The following MAML2 variants were observed in gnomAD, a reference collection of about 807,000 sequenced individuals.
MAML2 encodes mastermind like transcriptional coactivator 2.
A neutral mutation model predicts 96.1 loss-of-function variants in MAML2; 22 were observed. That is an observed-to-expected ratio of 0.23 (90% CI 0.16 to 0.33). The LOEUF is 0.33. MAML2 is among the 10% of genes least tolerant of loss of function. The probability of loss-of-function intolerance (pLI) is 1.00; values close to 1 mark genes in which losing one functional copy is unlikely to be tolerated. For synonymous variants in MAML2, 561 were observed against 521.3 expected (o/e 1.08, Z -1.04); for missense variants, 1,367 against 1,392.4 (o/e 0.98, Z 0.29).
At chr11:96,093,572 C>T in intron 1 of MAML2, 55 bp from the exon 2 acceptor site, 1 of 1,227,832 alleles carries the variant, frequency 8.1e-7, no homozygotes, top group Non-Finnish European at 1.1e-6. Flanking sequence ...TCCAATGATG[C>T]TTCTCATAAA....
rs138734826 is a variant in MAML2, at chr11:96,158,122, A to G, written c.514-64605T>C. Reference sequence around the variant, plus strand: ...GGGGAAGGCAAGGCTAAACAGAAAAAGTGTTTGAGAGAGTATAATTCTTGC... The same window carrying G: ...GGGGAAGGCAAGGCTAAACAGAAAAGGTGTTTGAGAGAGTATAATTCTTGC... On this transcript the variant is annotated intron_variant, in intron 1 of 4. Transcript: ENST00000524717. 3.0e-3 allele frequency among the ~76,000 whole-genome samples: 452 copies of G among 152,310 alleles called. 9 individuals are homozygous for G. Among genetic ancestry groups the G allele is most frequent in the Admixed American group, 0.019 (290 of 15,312 alleles).
Position 96,049,737 on chromosome 11 carries a change from A to G in MAML2, c.2139+42155T>C, listed in dbSNP as rs535480723. 2.0e-5 allele frequency among the ~76,000 whole-genome samples: 3 copies of G among 152,326 alleles called. No individual in the cohort carries two copies. The South Asian group carries it at 6.2e-4, about 32-fold the overall frequency. On this transcript the variant is annotated intron_variant, in intron 2 of 4. Coordinates refer to ENST00000524717, the MANE Select transcript of MAML2 (RefSeq NM_032427.4). ...TACAGTAAGAATTTAATAAACAGAA[A>G]CTACTATTATCATCCAGGCAGAAGA... is the stretch of plus-strand genomic sequence containing the variant.
chr11:96,326,010 T>A (rs1474290159), intron 1 of MAML2, among the ~76,000 whole-genome samples: 1 of 151,988 alleles, frequency 6.6e-6, no homozygotes, highest in Non-Finnish European at 1.5e-5. Context: ...CAATTAGCCA[T>A]ATGAAGTAAG....
intron 2 of MAML2, among the ~76,000 whole-genome samples, chr11:96,002,166 C>A (rs752823255): frequency 2.6e-5 from 4 of 152,184 alleles, no homozygotes; most frequent in Non-Finnish European, 5.9e-5. Context: ...ACCTCTTTCC[C>A]ATTTTAAGTG....
intron 2 of MAML2, among the ~76,000 whole-genome samples, chr11:96,072,655 C>T (rs143519361): frequency 5.9e-5 from 9 of 152,214 alleles, no homozygotes; most frequent in African/African-American, 7.2e-5. Flanking sequence ...TGAAAGAGCT[C>T]GCTGTCAAGG....
At chr11:96,163,875 T>C (rs1456805042) in intron 1 of MAML2, among the ~76,000 whole-genome samples, 1 of 151,526 alleles carries the variant, frequency 6.6e-6, no homozygotes, top group Admixed American at 6.6e-5. Context: ...TTTTTTTTTT[T>C]TTTTGAGATG....
chr11:96,008,274 C>G (rs1231433451), intron 2 of MAML2, among the ~76,000 whole-genome samples: 1 of 152,024 alleles, frequency 6.6e-6, no homozygotes, highest in Non-Finnish European at 1.5e-5. Context: ...GAAAACAGAT[C>G]CTTGATTTGA....
At chr11:96,026,709 A>G (rs1858526739) in intron 2 of MAML2, among the ~76,000 whole-genome samples, 1 of 151,896 alleles carries the variant, frequency 6.6e-6, no homozygotes, top group Non-Finnish European at 1.5e-5. Flanking sequence ...ATCCATTTAT[A>G]TTTATATGTA....
chr11:96,025,098 C>T (rs535617979), intron 2 of MAML2, among the ~76,000 whole-genome samples: 9 of 152,098 alleles, frequency 5.9e-5, no homozygotes, highest in Non-Finnish European at 1.2e-4. Flanking sequence ...CACGTGCACT[C>T]GCATGTTTAT....
At chr11:96,162,245 CTT>C (rs767988434) in intron 1 of MAML2, among the ~76,000 whole-genome samples, 13 of 79,226 alleles carry the variant, frequency 1.6e-4, no homozygotes, top group Non-Finnish European at 1.8e-4. Flanking sequence ...TCAGGTCTGA[CTT>C]TTTTTTTTTT....
At chr11:96,250,835 A>T (rs1591096177) in intron 1 of MAML2, among the ~76,000 whole-genome samples, 3 of 152,212 alleles carry the variant, frequency 2.0e-5, no homozygotes, top group East Asian at 3.8e-4. Context: ...TTATTTGGTG[A>T]TAATGACATT....
chr11:96,087,556 G>T (rs1046477091), intron 2 of MAML2, among the ~76,000 whole-genome samples: 12 of 152,088 alleles, frequency 7.9e-5, no homozygotes, highest in Admixed American at 7.9e-4. Flanking sequence ...ACCATCTCTC[G>T]AGTCTCTATC....
intron 2 of MAML2, among the ~76,000 whole-genome samples, chr11:96,043,260 G>A (rs565251926): frequency 5.3e-5 from 8 of 152,304 alleles, no homozygotes; most frequent in South Asian, 2.1e-4. Flanking sequence ...GTTCTAACTA[G>A]CAAAATTTGC....
At chr11:96,032,231 T>G (rs1415405590) in intron 2 of MAML2, among the ~76,000 whole-genome samples, 1 of 152,098 alleles carries the variant, frequency 6.6e-6, no homozygotes, top group Non-Finnish European at 1.5e-5. Flanking sequence ...CTTATAAAGT[T>G]AAATATACAC....
At chr11:96,052,118 C>A (rs181454418) in intron 2 of MAML2, among the ~76,000 whole-genome samples, 37 of 152,294 alleles carry the variant, frequency 2.4e-4, no homozygotes, top group Non-Finnish European at 4.4e-4. Context: ...AAAGTCAGAC[C>A]TCTCAGTGGC....
At chr11:96,195,185 AT>A (rs1397841407) in intron 1 of MAML2, among the ~76,000 whole-genome samples, 6 of 152,328 alleles carry the variant, frequency 3.9e-5, no homozygotes, top group African/African-American at 1.4e-4. Context: ...ATATTCATGC[AT>A]TCAAATTAAA....
chr11:96,068,438 T>TCTCACACACACACACACACA (rs1555004091), intron 2 of MAML2, among the ~76,000 whole-genome samples: 1 of 120,292 alleles, frequency 8.3e-6, no homozygotes, highest in Admixed American at 8.8e-5. Context: ...GGAGCTTACT[T>TCTCACACACACACACACACA]CACACACACA....
intron 1 of MAML2, among the ~76,000 whole-genome samples, chr11:96,308,056 C>T (rs916714466): frequency 3.9e-5 from 6 of 152,146 alleles, no homozygotes; most frequent in African/African-American, 9.7e-5. Flanking sequence ...ATTCTGGCTT[C>T]TTTACAATTC....
chr11:96,054,520 G>A (rs1859032953), intron 2 of MAML2, among the ~76,000 whole-genome samples: 1 of 152,188 alleles, frequency 6.6e-6, no homozygotes, highest in Admixed American at 6.5e-5. Context: ...TTCTTCCAAT[G>A]AGGGAGCAGT....
Sources: allele counts gnomAD v4.1 joint callset (sites outside exome capture counted in the v4.1 genomes callset), GRCh38; gene constraint gnomAD v4.1.1; transcripts MANE v1.5; gene names NCBI Gene and HGNC (gene_info 2026-07-23, HGNC 2026-07-21).